The following COL11A1 variants were observed in gnomAD, a reference collection of about 807,000 sequenced individuals.
The protein encoded by COL11A1 is collagen alpha-1(XI) chain.
COL11A1 carries 74 observed loss-of-function variants against 265.2 expected under a neutral mutation model. The observed-to-expected ratio is 0.28, with a 90% CI of 0.23 to 0.34. COL11A1 has a LOEUF of 0.34. Ranked by LOEUF, COL11A1 falls within the 10% of genes least tolerant of loss-of-function variation. The pLI is 1.00. For synonymous variants in COL11A1, 816 were observed against 727.6 expected, an observed-to-expected ratio of 1.12 and a Z score of -1.96; for missense variants, 2,165 against 2,263.6, an observed-to-expected ratio of 0.96 and a Z score of 0.88.
rs368957355 is a variant in COL11A1, at chr1:102,967,074, C to T, written c.2863-1534G>A. On this transcript the variant is annotated intron_variant, in intron 37 of 66. Coordinates refer to ENST00000370096, the MANE Select transcript of COL11A1 (RefSeq NM_001854.4). Reference sequence around the variant, plus strand: ...GAATGTGTCACGTGAGAAGGTCCCTCAAATACAGCTTCTTCTCTCTTATCC... The same window carrying T: ...GAATGTGTCACGTGAGAAGGTCCCTTAAATACAGCTTCTTCTCTCTTATCC... Among the ~76,000 whole-genome samples, 4 of 152,162 alleles carry T rather than the reference C, an allele frequency of 2.6e-5. No individual in the cohort carries two copies. In the East Asian group the frequency reaches 7.7e-4, roughly 29 times the overall value.
chr1:102,967,437 T>TCAC (rs1661551366), intron 37 of COL11A1, among the ~76,000 whole-genome samples: 1 of 151,798 alleles, frequency 6.6e-6, no homozygotes, highest in Non-Finnish European at 1.5e-5. Flanking sequence ...AGACGGGGTT[T>TCAC]CACCGTGTTA....
intron 48 of COL11A1, 57 bp downstream of exon 48, chr1:102,921,461 A>G: frequency 7.3e-7 from 1 of 1,372,626 alleles, no homozygotes; most frequent in Admixed American, 1.8e-5. Context: ...CATCTGCTAT[A>G]AAATAACAAT....
intron 47 of COL11A1, 21 bp from the exon 48 acceptor site, chr1:102,921,592 G>T (rs1655997281): frequency 6.3e-7 from 1 of 1,596,368 alleles, no homozygotes; most frequent in Non-Finnish European, 8.6e-7. Flanking sequence ...GAAATATTGA[G>T]GTTTACAAAG....
chr1:103,022,189 C>T (rs1423447421), intron 8 of COL11A1, among the ~76,000 whole-genome samples: 2 of 151,804 alleles, frequency 1.3e-5, no homozygotes, highest in Non-Finnish European at 2.9e-5. Flanking sequence ...ATTTAGTAAA[C>T]TAAACACATT....
At chr1:103,002,689 A>G (rs985806101) in intron 22 of COL11A1, 58 bp downstream of exon 22, 11 of 1,439,002 alleles carry the variant, frequency 7.6e-6, no homozygotes, top group African/African-American at 1.4e-5. Context: ...ACAACAAAAA[A>G]TGGTTTCTTA....
chr1:102,997,190 T>A, intron 25 of COL11A1, 66 bp from the exon 26 acceptor site: 1 of 1,344,430 alleles, frequency 7.4e-7, no homozygotes, highest in Non-Finnish European at 1.1e-6. Flanking sequence ...ACTACGAAAG[T>A]ATTTCTTTTG....
chr1:103,005,974 A>G lies in COL11A1; in HGVS notation c.1792-83T>C, dbSNP rs1243574411. On this transcript the variant is annotated intron_variant, in intron 17 of 66. Coordinates refer to ENST00000370096, the MANE Select transcript of COL11A1 (RefSeq NM_001854.4). ...ATGTACTGCAATTTAAATGCGAAATATTCTCTCAGATTCAGAAAATGGATT... is the reference window on the plus strand; with the variant it reads ...ATGTACTGCAATTTAAATGCGAAATGTTCTCTCAGATTCAGAAAATGGATT... 13 of 1,611,566 alleles carry G rather than the reference A, an allele frequency of 8.1e-6. No homozygotes were observed. The East Asian group carries it at 2.9e-4, about 36-fold the overall frequency.
intron 62 of COL11A1, among the ~76,000 whole-genome samples, chr1:102,887,701 G>A (rs1355656325): frequency 6.6e-6 from 1 of 152,106 alleles, no homozygotes; most frequent in Admixed American, 6.6e-5. Context: ...ATCTCAGAAT[G>A]TAATCCCATT....
chr1:103,026,117 A>AT, intron 6 of COL11A1, 99 bp downstream of exon 6: 1 of 1,197,820 alleles, frequency 8.3e-7, no homozygotes, highest in Non-Finnish European at 1.2e-6. Flanking sequence ...AATAAGATGA[A>AT]TGAAAGGTTT....
chr1:103,100,298 C>T (rs1265496812), intron 1 of COL11A1: 1 of 152,002 alleles, frequency 6.6e-6, no homozygotes, highest in East Asian at 1.9e-4. Flanking sequence ...TTAGGACAAG[C>T]AATGATCTAT....
chr1:102,946,708 A>T lies in COL11A1; in HGVS notation c.3276+141T>A, dbSNP rs569129741. 1.4e-5 allele frequency: 10 copies of T among 712,246 alleles called. No individual in the cohort carries two copies. The East Asian group carries it at 2.4e-4, about 17-fold the overall frequency. 44.1% of individuals were successfully genotyped at this position (712,246 alleles called of 1,614,324 possible). On this transcript the variant is annotated intron_variant, in intron 42 of 66. Coordinates refer to ENST00000370096, the MANE Select transcript of COL11A1 (RefSeq NM_001854.4). ...GAATTTGAAATTTTCTCTATTATAC[A>T]TATACGAGCCAGGGTATTTACATGC...
intron 4 of COL11A1, among the ~76,000 whole-genome samples, chr1:103,043,056 C>CATCATATATATGAAAT (rs1668948598): frequency 2.7e-5 from 3 of 111,584 alleles, no homozygotes; most frequent in Non-Finnish European, 3.8e-5. Context: ...ATATATGAAA[C>CATCATATATATGAAAT]ATATATAATG....
chr1:103,088,425 T>C (rs1035212733), intron 1 of COL11A1, among the ~76,000 whole-genome samples: 5 of 152,216 alleles, frequency 3.3e-5, no homozygotes, highest in African/African-American at 1.2e-4. Flanking sequence ...CCTGTGGGTA[T>C]AGACCTCCCA....
chr1:102,885,769 C>T (rs1650890822), intron 63 of COL11A1, among the ~76,000 whole-genome samples: 1 of 151,970 alleles, frequency 6.6e-6, no homozygotes, highest in Non-Finnish European at 1.5e-5. Context: ...TTAAATAACA[C>T]CAGTTAAAAG....
rs1298080061 is a variant in COL11A1 at position 102,985,154 on chromosome 1, C to T, written c.2503-963G>A. Among the ~76,000 whole-genome samples the T allele has an allele frequency of 2.0e-5, 3 of 151,896 alleles. No homozygotes were observed. In the East Asian group the frequency reaches 5.8e-4, roughly 29 times the overall value. On this transcript the variant is annotated intron_variant, in intron 30 of 66. Transcript: ENST00000370096. ...TTTATAAAATATTATTTACTAATGT[C>T]TTAAACATTAGAAAGCATAATGTAT...
chr1:103,044,950 G>T (rs951192395), intron 4 of COL11A1, among the ~76,000 whole-genome samples: 1 of 152,056 alleles, frequency 6.6e-6, no homozygotes, highest in Non-Finnish European at 1.5e-5. Context: ...ATCATGGAAA[G>T]TTTCACTGAT....
chr1:102,997,765 C>A (rs1265679521), intron 25 of COL11A1, among the ~76,000 whole-genome samples: 1 of 151,780 alleles, frequency 6.6e-6, no homozygotes, highest in African/African-American at 2.4e-5. Context: ...TACATAATTT[C>A]ATTGTTTATT....
intron 38 of COL11A1, among the ~76,000 whole-genome samples, chr1:102,963,577 T>A (rs1001157220): frequency 1.3e-5 from 2 of 152,198 alleles, no homozygotes; most frequent in African/African-American, 4.8e-5. Context: ...CTAAGGTTGT[T>A]AAACAGGAGA....
At chr1:102,943,826 C>G (rs576126266) in intron 42 of COL11A1, among the ~76,000 whole-genome samples, 6 of 152,064 alleles carry the variant, frequency 3.9e-5, no homozygotes, top group Non-Finnish European at 7.4e-5. Context: ...GCTCTTCCCC[C>G]CAATTTCTAC....
Sources: gnomAD v4.1 joint callset for allele counts (sites outside exome capture counted in the v4.1 genomes callset) on GRCh38, gnomAD v4.1.1 for gene constraint, MANE v1.5 for transcripts, NCBI Gene and HGNC (gene_info 2026-07-23, HGNC 2026-07-21) for gene names.